Variants in BPIFB3 observed in about 807,000 individuals in gnomAD.
The protein encoded by BPIFB3 is BPI fold-containing family B member 3.
A neutral mutation model predicts 53.1 loss-of-function variants in BPIFB3; 49 were observed. That is an observed-to-expected ratio of 0.92 (90% CI 0.73 to 1.17). The LOEUF (loss-of-function observed/expected upper bound fraction) is 1.17. Among genes scored for constraint, BPIFB3 ranks in the 50% most tolerant of loss-of-function variants. The probability of loss-of-function intolerance (pLI) is 0.00; values close to 1 mark genes in which losing one functional copy is unlikely to be tolerated. For missense variants in BPIFB3, 628 were observed against 592.5 expected (o/e 1.06, Z -0.62); for synonymous variants, 271 against 269.6 (o/e 1.01, Z -0.05).
intron 8 of BPIFB3, among the ~76,000 whole-genome samples, chr20:33,065,976 T>A (rs4911293): frequency 0.39 from 58,743 of 152,012 alleles, 12,068 homozygotes; most frequent in East Asian, 0.79. Context: ...AGAACGTGCA[T>A]GTCTGAGCGG....
intron 9 of BPIFB3, 71 bp from the exon 11 acceptor site, chr20:33,068,732 G>T: frequency 6.7e-7 from 1 of 1,501,952 alleles, no homozygotes. Flanking sequence ...TAGGTGCTTA[G>T]TGAGTGTTTG....
At chr20:33,072,988 A>G (rs1262218204) in intron 14 of BPIFB3, among the ~76,000 whole-genome samples, 195 bp downstream of exon 15, 1 of 152,156 alleles carries the variant, frequency 6.6e-6, no homozygotes, top group Non-Finnish European at 1.5e-5. Flanking sequence ...CTACTCCTCC[A>G]TTTCTTGCCC....
intron 3 of BPIFB3, 45 bp downstream of exon 4, chr20:33,059,527 C>T (rs1202935229): frequency 8.5e-6 from 12 of 1,410,748 alleles, no homozygotes; most frequent in Non-Finnish European, 1.1e-5. Context: ...TCCTATCCCA[C>T]CCCCTGACCT....
intron 11 of BPIFB3, 110 bp from the exon 13 acceptor site, chr20:33,071,143 G>A: frequency 8.6e-7 from 1 of 1,158,780 alleles, no homozygotes; most frequent in Non-Finnish European, 1.2e-6. Context: ...CAGAGTGTTG[G>A]GCTGGTAATC....
intron 6 of BPIFB3, 66 bp downstream of exon 7, chr20:33,063,741 T>G: frequency 1.4e-5 from 21 of 1,536,638 alleles, no homozygotes; most frequent in Non-Finnish European, 1.8e-5. Flanking sequence ...CCCAATGGGG[T>G]AGGGTACGAA....
chr20:33,071,992 G>C (rs912602584), intron 12 of BPIFB3, 112 bp from the exon 14 acceptor site: 1 of 1,091,994 alleles, frequency 9.2e-7, no homozygotes, highest in African/African-American at 1.6e-5. Context: ...CAGGCTTGGG[G>C]GAGGCTGAGG....
intron 9 of BPIFB3, among the ~76,000 whole-genome samples, chr20:33,067,395 A>G (rs537153636): frequency 6.6e-6 from 1 of 152,238 alleles, no homozygotes; most frequent in Non-Finnish European, 1.5e-5. Flanking sequence ...TGAAGTTAAA[A>G]TGTCTACTAC....
At chr20:33,066,947 C>A in intron 9 of BPIFB3, 70 bp downstream of exon 10, 2 of 1,516,694 alleles carry the variant, frequency 1.3e-6, no homozygotes, top group Non-Finnish European at 1.8e-6. Context: ...AGTCCAGAAT[C>A]TTTCTCAATA....
Position 33,068,981 on chromosome 20 carries a change from G to A in BPIFB3, c.1149+8G>A. 1 of 1,608,072 alleles carries A rather than the reference G, an allele frequency of 6.2e-7. No homozygotes were observed. The highest frequency in any genetic ancestry group is 8.5e-7 in the Non-Finnish European group (1 of 1,175,416). Reference sequence around the variant, plus strand: ...CTCTTTGAGCTGAACTCCGTGAGTGGTCAAGGGGTGGCTGGGGGCCCGGCA... The same window carrying A: ...CTCTTTGAGCTGAACTCCGTGAGTGATCAAGGGGTGGCTGGGGGCCCGGCA... On this transcript the variant is annotated splice_region_variant and intron_variant, in intron 10 of 14. Transcript: ENST00000375494.
rs952556670 is a variant in BPIFB3 at position 33,067,401 on chromosome 20, A to T, written c.978+524A>T. ...AATTCGTACTGAAGTTAAAATGTCTACTACAAGGTCCTTATGTAACAGCAG... is the reference window on the plus strand; with the variant it reads ...AATTCGTACTGAAGTTAAAATGTCTTCTACAAGGTCCTTATGTAACAGCAG... On this transcript the variant is annotated intron_variant, in intron 9 of 14. Transcript: ENST00000375494. 2.6e-5 allele frequency among the ~76,000 whole-genome samples: 4 copies of T among 152,302 alleles called. No homozygotes were observed. In the East Asian group the frequency reaches 7.7e-4, roughly 29 times the overall value.
intron 13 of BPIFB3, 70 bp downstream of exon 14, chr20:33,072,237 C>A: frequency 1.3e-6 from 2 of 1,506,228 alleles, no homozygotes; most frequent in Non-Finnish European, 1.8e-6. Flanking sequence ...TGTTGCCTCT[C>A]TTTATGGTTC....
chr20:33,066,053 G>A (rs1568995265), intron 8 of BPIFB3, among the ~76,000 whole-genome samples: 1 of 152,238 alleles, frequency 6.6e-6, no homozygotes, highest in Non-Finnish European at 1.5e-5. Flanking sequence ...GCAAGAGAGA[G>A]GAATGTCAGA....
At chr20:33,059,991 C>A (rs772111950) in exon 4 of BPIFB3, 1 of 1,614,154 alleles carries the variant, frequency 6.2e-7, no homozygotes, top group Admixed American at 1.7e-5. Flanking sequence ...TATCCTCAAG[C>A]GCTGCAGCAC....
At chr20:33,056,649 G>A (rs752156774) in exon 2 of BPIFB3, 24 of 1,612,110 alleles carry the variant, frequency 1.5e-5, no homozygotes, top group Middle Eastern at 1.7e-4. Context: ...TGGAGGAGGC[G>A]GCTTGCTGGG....
intron 5 of BPIFB3, 50 bp downstream of exon 6, chr20:33,061,881 C>A (rs371588612): frequency 6.3e-7 from 1 of 1,595,516 alleles, no homozygotes; most frequent in Admixed American, 1.7e-5. Context: ...GACTGGGCCT[C>A]TTTCCCCCTC....
intron 2 of BPIFB3, among the ~76,000 whole-genome samples, chr20:33,058,377 A>T (rs1324698984): frequency 2.0e-5 from 3 of 152,050 alleles, no homozygotes. Context: ...ACAGATGGGG[A>T]AACCGAGGCA....
chr20:33,071,604 A>G (rs1600545960), intron 12 of BPIFB3, among the ~76,000 whole-genome samples: 1 of 152,256 alleles, frequency 6.6e-6, no homozygotes, highest in Non-Finnish European at 1.5e-5. Context: ...ATCATTCTGG[A>G]ACTTCTCCCA....
chr20:33,071,179 G>A, intron 11 of BPIFB3, 74 bp from the exon 13 acceptor site: 1 of 1,429,376 alleles, frequency 7.0e-7, no homozygotes, highest in Non-Finnish European at 9.6e-7. Context: ...GAGAGCTATG[G>A]TGGGGCAGGC....
chr20:33,061,249 C>G (rs1315106517), intron 4 of BPIFB3, among the ~76,000 whole-genome samples: 1 of 152,116 alleles, frequency 6.6e-6, no homozygotes, highest in African/African-American at 2.4e-5. Context: ...GTGTTGGTGT[C>G]CTGTGTTTGG....
Sources: allele counts gnomAD v4.1 joint callset (sites outside exome capture counted in the v4.1 genomes callset), GRCh38; gene constraint gnomAD v4.1.1; transcripts MANE v1.5; gene names NCBI Gene and HGNC (gene_info 2026-07-23, HGNC 2026-07-21).